The following NHSL1 variants were observed in gnomAD, a reference collection of about 807,000 sequenced individuals.
NHSL1 encodes NHS like 1.
NHSL1 carries 48 observed loss-of-function variants against 95.0 expected under a neutral mutation model. That is an observed-to-expected ratio of 0.51 (90% CI 0.40 to 0.64). NHSL1 has a LOEUF of 0.64. Ranked by LOEUF, NHSL1 falls within the 30% of genes least tolerant of loss-of-function variation. NHSL1 has a pLI of 0.00. For synonymous variants in NHSL1, 783 were observed against 833.9 expected, an observed-to-expected ratio of 0.94 and a Z score of 1.05; for missense variants, 1,971 against 2,077.7, an observed-to-expected ratio of 0.95 and a Z score of 1.00.
At chr6:138,646,057 T>C (rs760750646) in intron 1 of NHSL1, among the ~76,000 whole-genome samples, 1 of 152,232 alleles carries the variant, frequency 6.6e-6, no homozygotes, top group Non-Finnish European at 1.5e-5. Context: ...AGAATCTTAG[T>C]ACAAGTTCTC....
Position 138,429,858 on chromosome 6 carries a change from G to C in NHSL1, c.3953-15C>G, listed in dbSNP as rs893026773. 45 of 1,548,076 alleles carry C rather than the reference G, an allele frequency of 2.9e-5. No homozygotes were observed. Among genetic ancestry groups the C allele is most frequent in the Non-Finnish European group, 3.8e-5 (43 of 1,145,834 alleles). On this transcript the variant is annotated splice_polypyrimidine_tract_variant and intron_variant, in intron 6 of 7. Transcript: ENST00000343505. ...CGGCACCCCAGCTACAGAAGAGCAG[G>C]CAGGCATACAAGACGCACAAGTGAC...
chr6:138,665,452 T>A (rs1268333602), intron 1 of NHSL1, among the ~76,000 whole-genome samples: 2 of 152,214 alleles, frequency 1.3e-5, no homozygotes, highest in South Asian at 4.1e-4. Flanking sequence ...CTCATCTTCA[T>A]AGAGGCCACC....
intron 4 of NHSL1, 23 bp downstream of exon 4, chr6:138,446,978 C>A (rs892337165): frequency 8.4e-6 from 13 of 1,550,220 alleles, no homozygotes; most frequent in African/African-American, 1.4e-5. Context: ...ACATTCTGAA[C>A]CTGTCTGGCT....
intron 1 of NHSL1, among the ~76,000 whole-genome samples, chr6:138,554,756 T>C (rs548446212): frequency 1.1e-4 from 17 of 152,366 alleles, no homozygotes; most frequent in South Asian, 8.3e-4. Context: ...TAAAGAACTA[T>C]GGAATTTCTA....
chr6:138,502,477 G>T (rs143794610), upstream of NHSL1, among the ~76,000 whole-genome samples: 46 of 150,306 alleles, frequency 3.1e-4, 1 homozygote, highest in African/African-American at 1.1e-3. Flanking sequence ...TGACAGTGGC[G>T]GAAAAAAAAA....
intron 1 of NHSL1, among the ~76,000 whole-genome samples, chr6:138,674,156 T>C (rs1785417217): frequency 6.6e-6 from 1 of 152,208 alleles, no homozygotes; most frequent in Non-Finnish European, 1.5e-5. Flanking sequence ...ATTTTTTTTT[T>C]CAATTTTTAA....
At chr6:138,454,845 T>G (rs1777477394) in intron 3 of NHSL1, among the ~76,000 whole-genome samples, 1 of 152,250 alleles carries the variant, frequency 6.6e-6, no homozygotes, top group African/African-American at 2.4e-5. Flanking sequence ...CTGAATATAT[T>G]CACATACAGC....
chr6:138,635,645 T>C (rs976445110), intron 1 of NHSL1, among the ~76,000 whole-genome samples: 1 of 152,036 alleles, frequency 6.6e-6, no homozygotes, highest in Non-Finnish European at 1.5e-5. Flanking sequence ...TTCTGAAAAA[T>C]AGAGAATGAG....
intron 1 of NHSL1, among the ~76,000 whole-genome samples, chr6:138,559,064 A>G (rs1364789575): frequency 6.6e-6 from 1 of 152,140 alleles, no homozygotes; most frequent in East Asian, 1.9e-4. Context: ...AAAGAAAAAA[A>G]AAAAAAGAAA....
chr6:138,487,762 C>T (rs762426395), intron 2 of NHSL1, among the ~76,000 whole-genome samples: 2 of 152,174 alleles, frequency 1.3e-5, no homozygotes, highest in Non-Finnish European at 2.9e-5. Context: ...ATTCTGGTCT[C>T]CCATCTCATC....
chr6:138,611,621 C>CT (rs1385107133), intron 1 of NHSL1, among the ~76,000 whole-genome samples: 11 of 152,218 alleles, frequency 7.2e-5, no homozygotes, highest in Non-Finnish European at 1.5e-5. Context: ...TGAGGGGCTC[C>CT]TGTAGTCCCA....
intron 1 of NHSL1, among the ~76,000 whole-genome samples, chr6:138,564,901 C>T (rs1183317996): frequency 1.3e-5 from 2 of 152,080 alleles, no homozygotes; most frequent in Non-Finnish European, 2.9e-5. Flanking sequence ...GGAGGCGACT[C>T]GAGCACCCTG....
intron 1 of NHSL1, among the ~76,000 whole-genome samples, chr6:138,568,484 T>C (rs1783702929): frequency 6.6e-6 from 1 of 152,238 alleles, no homozygotes; most frequent in Non-Finnish European, 1.5e-5. Flanking sequence ...CCTTGATTTG[T>C]ATGGCTAATT....
At chr6:138,600,184 C>G (rs1200144811) in intron 1 of NHSL1, among the ~76,000 whole-genome samples, 1 of 152,074 alleles carries the variant, frequency 6.6e-6, no homozygotes, top group African/African-American at 2.4e-5. Context: ...TGAAGCAACA[C>G]AGAGGTATTT....
chr6:138,606,698 C>CTT (rs1784438038), intron 1 of NHSL1, among the ~76,000 whole-genome samples: 2 of 126,166 alleles, frequency 1.6e-5, no homozygotes, highest in Non-Finnish European at 1.6e-5. Flanking sequence ...TTCTTTCTTT[C>CTT]TTTCTTTTTT....
At chr6:138,484,770 A>G (rs969329206) in intron 2 of NHSL1, among the ~76,000 whole-genome samples, 2 of 152,200 alleles carry the variant, frequency 1.3e-5, no homozygotes, top group African/African-American at 4.8e-5. Context: ...GACAAACAAC[A>G]ACAAAAAACC....
intron 1 of NHSL1, among the ~76,000 whole-genome samples, chr6:138,612,757 T>G (rs1217767443): frequency 6.6e-6 from 1 of 152,250 alleles, no homozygotes; most frequent in Admixed American, 6.5e-5. Flanking sequence ...CTTTTATTTG[T>G]GAACTTTAAA....
chr6:138,656,310 A>C (rs774749751), intron 1 of NHSL1, among the ~76,000 whole-genome samples: 99 of 152,250 alleles, frequency 6.5e-4, no homozygotes, highest in Non-Finnish European at 1.1e-3. Context: ...AAATGCATTA[A>C]CTCCAATTTT....
chr6:138,470,228 T>C (rs1191652138), intron 3 of NHSL1, among the ~76,000 whole-genome samples: 1 of 152,200 alleles, frequency 6.6e-6, no homozygotes, highest in Non-Finnish European at 1.5e-5. Flanking sequence ...CCCATAAATA[T>C]CTCTAATGAT....
Sources: allele counts gnomAD v4.1 joint callset (sites outside exome capture counted in the v4.1 genomes callset), GRCh38; gene constraint gnomAD v4.1.1; transcripts MANE v1.5; gene names NCBI Gene and HGNC (gene_info 2026-07-23, HGNC 2026-07-21).